The following PTK2 variants were observed in gnomAD, a reference collection of about 807,000 sequenced individuals.
PTK2 encodes the protein focal adhesion kinase 1.
PTK2 carries 45 observed loss-of-function variants against 150.1 expected under a neutral mutation model. The ratio of observed to expected loss-of-function variants is 0.30; its 90% CI spans 0.24 to 0.38. The LOEUF is 0.38. PTK2 is among the 10% of genes least tolerant of loss of function. PTK2 has a pLI of 1.00. For missense variants in PTK2, 919 were observed against 1,307.3 expected (o/e 0.70, Z 4.58); for synonymous variants, 432 against 449.2 (o/e 0.96, Z 0.48).
chr8:140,991,157 A>C (rs2100195568), intron 1 of PTK2, among the ~76,000 whole-genome samples: 1 of 152,252 alleles, frequency 6.6e-6, no homozygotes, highest in Admixed American at 6.5e-5. Flanking sequence ...AGCAAAAGGC[A>C]AAAGAATGTA....
At chr8:140,811,302 G>A (rs2100101406) in intron 10 of PTK2, among the ~76,000 whole-genome samples, 1 of 152,166 alleles carries the variant, frequency 6.6e-6, no homozygotes, top group Admixed American at 6.5e-5. Flanking sequence ...TGGGGGCTGG[G>A]CACTGGTCCC....
chr8:140,683,084 C>T (rs901103615), intron 27 of PTK2, among the ~76,000 whole-genome samples: 2 of 151,814 alleles, frequency 1.3e-5, no homozygotes, highest in Non-Finnish European at 2.9e-5. Context: ...TGAAAGAATA[C>T]ATAAGAATGA....
At chr8:140,714,213 TGATTGGGAAAGAGA>T (rs1278889262) in intron 23 of PTK2, among the ~76,000 whole-genome samples, 4 of 152,166 alleles carry the variant, frequency 2.6e-5, no homozygotes, top group East Asian at 1.9e-4. Flanking sequence ...TTTTGAATCT[TGATTGGGAAAGAGA>T]AAGACTTTTC....
chr8:140,692,460 T>C (rs2100023728), intron 26 of PTK2, among the ~76,000 whole-genome samples: 1 of 152,034 alleles, frequency 6.6e-6, no homozygotes, highest in East Asian at 1.9e-4. Flanking sequence ...CTACTAAAAA[T>C]ACAAAAATTA....
At chr8:140,890,684 A>T in exon 3 of PTK2, 8 of 1,614,178 alleles carry the variant, frequency 5.0e-6, no homozygotes, top group Non-Finnish European at 6.8e-6. Context: ...GGTGAGTCTT[A>T]GTACTCGAAT....
chr8:140,780,671 T>G (rs1438734416), intron 14 of PTK2, among the ~76,000 whole-genome samples: 3 of 152,206 alleles, frequency 2.0e-5, no homozygotes, highest in African/African-American at 7.2e-5. Context: ...TGATTCTTGT[T>G]TAGACGAAAC....
intron 24 of PTK2, among the ~76,000 whole-genome samples, chr8:140,703,110 C>A (rs966705157): frequency 6.6e-6 from 1 of 152,032 alleles, no homozygotes; most frequent in Non-Finnish European, 1.5e-5. Flanking sequence ...CTTTGGGAGG[C>A]CGAGGCAGGC....
intron 22 of PTK2, among the ~76,000 whole-genome samples, chr8:140,734,440 T>C (rs372314887): frequency 3.9e-5 from 6 of 152,290 alleles, no homozygotes; most frequent in East Asian, 1.9e-4. Flanking sequence ...AAGCTTGGCA[T>C]TGGGGCTACA....
intron 2 of PTK2, among the ~76,000 whole-genome samples, chr8:140,900,078 A>G (rs1182458580): frequency 6.6e-6 from 1 of 152,212 alleles, no homozygotes; most frequent in East Asian, 1.9e-4. Flanking sequence ...CTTTTATTCA[A>G]CATAGTACTG....
At chr8:140,849,369 C>T (rs549760489) in intron 5 of PTK2, among the ~76,000 whole-genome samples, 120 of 152,338 alleles carry the variant, frequency 7.9e-4, no homozygotes, top group South Asian at 2.5e-3. Flanking sequence ...GGCACGGCCA[C>T]ATCCTGAGGC....
intron 1 of PTK2, among the ~76,000 whole-genome samples, chr8:140,955,999 C>T (rs1218658178): frequency 6.6e-6 from 1 of 152,240 alleles, no homozygotes; most frequent in East Asian, 1.9e-4. Context: ...CCCTGCCCAA[C>T]TGTACAAAAC....
At chr8:140,850,342 C>T (rs944460482) in intron 5 of PTK2, among the ~76,000 whole-genome samples, 2 of 152,016 alleles carry the variant, frequency 1.3e-5, no homozygotes, top group African/African-American at 4.8e-5. Flanking sequence ...GGGAGAATTG[C>T]TTGAACCCAG....
At chr8:140,928,957 ATTTTTTTTTTTTT>A (rs34658967) in intron 1 of PTK2, among the ~76,000 whole-genome samples, 8 of 92,232 alleles carry the variant, frequency 8.7e-5, no homozygotes, top group Non-Finnish European at 1.6e-4. Context: ...TTTTATCACA[ATTTTTTTTTTTTT>A]TTTTTTTTTT....
At chr8:140,853,366 G>C (rs2100130563) in intron 5 of PTK2, among the ~76,000 whole-genome samples, 1 of 108,116 alleles carries the variant, frequency 9.2e-6, no homozygotes, top group African/African-American at 3.9e-5. Context: ...ACAGGCCCCA[G>C]TGTGTGATGT....
chr8:140,682,346 G>C (rs1385321809), intron 27 of PTK2, among the ~76,000 whole-genome samples: 1 of 152,094 alleles, frequency 6.6e-6, no homozygotes, highest in African/African-American at 2.4e-5. Flanking sequence ...TCCAGCTCTG[G>C]GTGACAGAGC....
chr8:140,879,719 CAAAACAAAAA>C (rs2100148076), intron 3 of PTK2, 82 bp from the exon 4 acceptor site: 2 of 984,848 alleles, frequency 2.0e-6, no homozygotes, highest in African/African-American at 7.2e-5. Flanking sequence ...AAAACAAAAA[CAAAACAAAAA>C]AAAAACTATA....
chr8:140,772,677 A>C (rs1224447774), intron 14 of PTK2, among the ~76,000 whole-genome samples: 2 of 152,002 alleles, frequency 1.3e-5, no homozygotes, highest in African/African-American at 4.8e-5. Flanking sequence ...CATGTCTGTA[A>C]CTTGTTTTCA....
chr8:140,921,020 G>A, intron 2 of PTK2: 1 of 1,288,274 alleles, frequency 7.8e-7, no homozygotes, highest in Non-Finnish European at 9.8e-7. Flanking sequence ...GTTCCCCTGT[G>A]TGCTCCTTTT....
intron 23 of PTK2, among the ~76,000 whole-genome samples, chr8:140,713,855 CTAAG>C (rs1156906715): frequency 6.6e-6 from 1 of 152,078 alleles, no homozygotes; most frequent in East Asian, 1.9e-4. Flanking sequence ...TTACTATTAA[CTAAG>C]TAAGCTTTAA....
Sources: allele counts gnomAD v4.1 joint callset (sites outside exome capture counted in the v4.1 genomes callset), GRCh38; gene constraint gnomAD v4.1.1; transcripts MANE v1.5; gene names NCBI Gene and HGNC (gene_info 2026-07-23, HGNC 2026-07-21).